CCDC85A: variants seen among roughly 807,000 people sequenced by gnomAD.
CCDC85A encodes coiled-coil domain containing 85A.
A neutral mutation model predicts 50.2 loss-of-function variants in CCDC85A; 38 were observed. The observed-to-expected ratio is 0.76, with a 90% CI of 0.58 to 0.99. The LOEUF is 0.99. Among genes scored for constraint, CCDC85A ranks in the 50% least tolerant of loss-of-function variants. CCDC85A has a pLI of 0.00. For missense variants in CCDC85A, 820 were observed against 742.0 expected (o/e 1.11, Z -1.22); for synonymous variants, 366 against 301.4 (o/e 1.21, Z -2.22).
In CCDC85A at chr2:56,372,416, C is replaced by T. The variant is rs1250701844; in HGVS notation, c.1390C>T (p.Arg464Trp). ...NMEKGWGSRA[R>W]RVLQWWQGCR... ...GGAGAAAGGCTGGGGGTCCAGAGCC[C>T]GGCGGGTCTTGCAGTGGTGGCAAGG... is the stretch of plus-strand genomic sequence containing the variant. The change falls in exon 4 of 6, where the codon CGG becomes TGG. Residue 464 changes from arginine to tryptophan, a missense_variant. Transcript: ENST00000407595. The T allele has an allele frequency of 1.0e-5, 16 of 1,607,228 alleles. No individual in the cohort carries two copies. Among genetic ancestry groups the T allele is most frequent in the Admixed American group, 5.1e-5 (3 of 59,204 alleles).
chr2:56,241,534 A>G lies in CCDC85A; in HGVS notation c.1240+48094A>G, dbSNP rs563158827. Reference sequence around the variant, plus strand: ...CATTGTTCTATTCTGTGTCTCCATGATTTCAATTGTTTTGATTTTTAGCTC... The same window carrying G: ...CATTGTTCTATTCTGTGTCTCCATGGTTTCAATTGTTTTGATTTTTAGCTC... On this transcript the variant is annotated intron_variant, in intron 2 of 5. Coordinates refer to ENST00000407595, the MANE Select transcript of CCDC85A (RefSeq NM_001080433.2). Among the ~76,000 whole-genome samples the G allele has an allele frequency of 2.0e-5, 3 of 151,696 alleles. No individual in the cohort carries two copies. The South Asian group carries it at 6.3e-4, about 32-fold the overall frequency.
intron 2 of CCDC85A, among the ~76,000 whole-genome samples, chr2:56,273,687 A>AATATATATAT (rs10579579): frequency 8.1e-5 from 12 of 148,234 alleles, no homozygotes; most frequent in African/African-American, 3.0e-4. Flanking sequence ...TGGGTTTCAG[A>AATATATATAT]ATATATATAT....
intron 2 of CCDC85A, among the ~76,000 whole-genome samples, chr2:56,319,817 A>G (rs1032915257): frequency 6.6e-6 from 1 of 152,228 alleles, no homozygotes; most frequent in African/African-American, 2.4e-5. Context: ...CAAAGTGACT[A>G]GGCAGTCAGC....
At chr2:56,323,180 A>G (rs2104268724) in intron 2 of CCDC85A, among the ~76,000 whole-genome samples, 1 of 152,224 alleles carries the variant, frequency 6.6e-6, no homozygotes, top group East Asian at 1.9e-4. Context: ...GCATTAGGAG[A>G]TATACCTAAT....
intron 2 of CCDC85A, among the ~76,000 whole-genome samples, chr2:56,200,316 A>G (rs1676682524): frequency 6.6e-6 from 1 of 152,210 alleles, no homozygotes; most frequent in Non-Finnish European, 1.5e-5. Flanking sequence ...TATGGTGAGC[A>G]TTGAGCATAT....
intron 2 of CCDC85A, among the ~76,000 whole-genome samples, chr2:56,266,577 C>A (rs1558613849): frequency 1.5e-5 from 1 of 68,394 alleles, no homozygotes; most frequent in Non-Finnish European, 3.2e-5. Flanking sequence ...AACAATAACG[C>A]GCCCCCCCCC....
chr2:56,302,128 C>T (rs974994261), intron 2 of CCDC85A, among the ~76,000 whole-genome samples: 14 of 151,820 alleles, frequency 9.2e-5, no homozygotes, highest in Non-Finnish European at 1.6e-4. Context: ...TGGTGGTGGG[C>T]GCCTGTAATC....
intron 3 of CCDC85A, among the ~76,000 whole-genome samples, chr2:56,347,309 TTC>T (rs1436639373): frequency 6.6e-6 from 1 of 152,202 alleles, no homozygotes; most frequent in African/African-American, 2.4e-5. Context: ...TGTAGGCCTA[TTC>T]AGTGTTCTTT....
intron 2 of CCDC85A, among the ~76,000 whole-genome samples, chr2:56,315,335 C>T (rs943062800): frequency 2.0e-5 from 3 of 152,080 alleles, no homozygotes; most frequent in Admixed American, 1.3e-4. Context: ...CCCCTCCCAG[C>T]GGCCTTTTGG....
chr2:56,338,865 C>T (rs1674215761), intron 2 of CCDC85A, among the ~76,000 whole-genome samples: 1 of 151,902 alleles, frequency 6.6e-6, no homozygotes, highest in Non-Finnish European at 1.5e-5. Flanking sequence ...TACTCCACTC[C>T]CATTAAAGGA....
Position 56,360,639 on chromosome 2 carries a change from C to G in CCDC85A, c.1318-11705C>G, listed in dbSNP as rs76704648. Among the ~76,000 whole-genome samples the G allele has an allele frequency of 7.1e-3, 1,079 of 152,228 alleles. 21 individuals carry two copies. The highest frequency in any genetic ancestry group is 0.025 in the African/African-American group (1,019 of 41,546). On this transcript the variant is annotated intron_variant, in intron 3 of 5. Coordinates refer to ENST00000407595, the MANE Select transcript of CCDC85A (RefSeq NM_001080433.2). ...GCTACCTTTACCTGTGTAATTCCCT[C>G]AAAATTTTGGCCATTTTCTTCCTAT...
intron 2 of CCDC85A, among the ~76,000 whole-genome samples, chr2:56,325,111 G>A (rs114819003): frequency 0.014 from 2,175 of 151,974 alleles, 65 homozygotes; most frequent in African/African-American, 0.048. Context: ...TTAATAATGC[G>A]ATTTTATAAT....
intron 2 of CCDC85A, among the ~76,000 whole-genome samples, chr2:56,239,072 GTT>G (rs1669144807): frequency 1.3e-5 from 2 of 152,006 alleles, no homozygotes; most frequent in South Asian, 4.2e-4. Context: ...GAGAAGACAG[GTT>G]TCCTCTCCCA....
At chr2:56,205,898 T>A (rs753421561) in intron 2 of CCDC85A, among the ~76,000 whole-genome samples, 1 of 152,174 alleles carries the variant, frequency 6.6e-6, no homozygotes, top group African/African-American at 2.4e-5. Flanking sequence ...CAATTGGTGC[T>A]GTGAGCCTGG....
At chr2:56,374,588 C>G (rs961615686) in intron 4 of CCDC85A, among the ~76,000 whole-genome samples, 8 of 152,066 alleles carry the variant, frequency 5.3e-5, no homozygotes, top group Non-Finnish European at 1.0e-4. Context: ...GCAGGAGGAT[C>G]ACTTGAGGCC....
In CCDC85A at chr2:56,384,394, A is replaced by C. The variant is rs775836249; in HGVS notation, c.*39A>C. Reference sequence around the variant, plus strand: ...TCAAACAGGAGATCACCACTGCCAGAAAGTGATAGAAGACAAGAAGAAAAA... The same window carrying C: ...TCAAACAGGAGATCACCACTGCCAGCAAGTGATAGAAGACAAGAAGAAAAA... On this transcript the variant is annotated 3_prime_UTR_variant, in exon 6 of 6. Transcript: ENST00000407595. The C allele has an allele frequency of 1.3e-6, 2 of 1,526,956 alleles. No homozygotes were observed. Among genetic ancestry groups the C allele is most frequent in the Non-Finnish European group, 1.8e-6 (2 of 1,113,480 alleles). 94.6% of individuals were successfully genotyped at this position (1,526,956 alleles called of 1,614,324 possible).
intron 3 of CCDC85A, among the ~76,000 whole-genome samples, chr2:56,368,801 A>G (rs1456435082): frequency 6.7e-6 from 1 of 148,738 alleles, no homozygotes; most frequent in African/African-American, 2.5e-5. Flanking sequence ...ATATTTATAT[A>G]GTACATATAT....
intron 2 of CCDC85A, among the ~76,000 whole-genome samples, chr2:56,210,519 A>G (rs183150015): frequency 1.3e-5 from 2 of 152,138 alleles, no homozygotes; most frequent in Admixed American, 6.5e-5. Context: ...GACAAGGCAT[A>G]GTAGGGATGG....
intron 2 of CCDC85A, among the ~76,000 whole-genome samples, chr2:56,263,360 AC>A (rs1670299778): frequency 6.6e-6 from 1 of 152,214 alleles, no homozygotes; most frequent in Non-Finnish European, 1.5e-5. Flanking sequence ...ATGCTTGGAG[AC>A]AGGTAGAATA....
Sources: gnomAD v4.1 joint callset for allele counts (sites outside exome capture counted in the v4.1 genomes callset) on GRCh38, gnomAD v4.1.1 for gene constraint, MANE v1.5 for transcripts, NCBI Gene and HGNC (gene_info 2026-07-23, HGNC 2026-07-21) for gene names.